PCDH9: variants seen among roughly 807,000 people sequenced by gnomAD.
The protein encoded by PCDH9 is protocadherin 9.
Under a neutral mutation model 70.6 loss-of-function variants are expected in PCDH9, and 24 were observed. The observed-to-expected ratio is 0.34, with a 90% CI of 0.25 to 0.48. The LOEUF (loss-of-function observed/expected upper bound fraction) is 0.48, where lower values mean the gene tolerates loss of function less well. Ranked by LOEUF, PCDH9 falls within the 20% of genes least tolerant of loss-of-function variation. PCDH9 has a pLI of 0.99. For synonymous variants in PCDH9, 562 were observed against 558.5 expected, an observed-to-expected ratio of 1.01 and a Z score of -0.09; for missense variants, 1,281 against 1,503.6, an observed-to-expected ratio of 0.85 and a Z score of 2.45.
chr13:66,485,234 T>C lies in PCDH9; in HGVS notation c.3340+145976A>G, dbSNP rs146987890. Among the ~76,000 whole-genome samples the C allele has an allele frequency of 4.4e-3, 672 of 152,362 alleles. 4 individuals carry two copies. Among genetic ancestry groups the C allele is most frequent in the African/African-American group, 0.015 (627 of 41,592 alleles). On this transcript the variant is annotated intron_variant, in intron 4 of 4. Transcript: ENST00000377865. ...TAGAACACTATGCAATGGAAACATG[T>C]CTAAGGCTGATGGAAAACCTCATCA...
chr13:67,155,809 G>T (rs564418152), intron 2 of PCDH9, among the ~76,000 whole-genome samples: 2 of 152,152 alleles, frequency 1.3e-5, no homozygotes, highest in East Asian at 3.9e-4. Context: ...AGTAAAAGCA[G>T]TGGCAATCTC....
At chr13:66,735,099 T>G (rs2079128536) in intron 3 of PCDH9, among the ~76,000 whole-genome samples, 1 of 152,212 alleles carries the variant, frequency 6.6e-6, no homozygotes, top group Non-Finnish European at 1.5e-5. Flanking sequence ...AAATATTAGA[T>G]AGTTGTTCAC....
intron 3 of PCDH9, among the ~76,000 whole-genome samples, chr13:66,637,928 G>T (rs370538626): frequency 6.9e-6 from 1 of 145,428 alleles, no homozygotes; most frequent in South Asian, 2.2e-4. Context: ...AAAAAAAAAA[G>T]AAATTTAATT....
intron 4 of PCDH9, among the ~76,000 whole-genome samples, chr13:66,566,314 T>C (rs1333277700): frequency 6.6e-6 from 1 of 152,156 alleles, no homozygotes; most frequent in Non-Finnish European, 1.5e-5. Flanking sequence ...AGACCAGCCA[T>C]AAGAATGCAA....
At chr13:66,528,690 T>TC (rs1365270856) in intron 4 of PCDH9, among the ~76,000 whole-genome samples, 1 of 152,124 alleles carries the variant, frequency 6.6e-6, no homozygotes, top group Non-Finnish European at 1.5e-5. Flanking sequence ...CAAGCAAAAT[T>TC]CTCCTAAAAG....
intron 3 of PCDH9, among the ~76,000 whole-genome samples, chr13:66,718,643 T>TCTAGA (rs2078902088): frequency 6.6e-6 from 1 of 152,154 alleles, no homozygotes; most frequent in Admixed American, 6.5e-5. Flanking sequence ...AGAAAGTGTA[T>TCTAGA]GGTTAAGTTA....
At chr13:66,486,156 T>C (rs1242918966) in intron 4 of PCDH9, among the ~76,000 whole-genome samples, 1 of 152,184 alleles carries the variant, frequency 6.6e-6, no homozygotes, top group African/African-American at 2.4e-5. Flanking sequence ...AGAGTTTCAG[T>C]TGAGGCCAGA....
intron 2 of PCDH9, among the ~76,000 whole-genome samples, chr13:67,005,480 A>G (rs1156896978): frequency 1.3e-5 from 2 of 152,172 alleles, no homozygotes; most frequent in Non-Finnish European, 2.9e-5. Flanking sequence ...TCACACAGAA[A>G]CACAAAAATG....
intron 4 of PCDH9, among the ~76,000 whole-genome samples, chr13:66,594,313 T>A (rs922030941): frequency 2.0e-5 from 3 of 151,684 alleles, no homozygotes; most frequent in Non-Finnish European, 4.4e-5. Flanking sequence ...TGAAAAATCA[T>A]CCAGATGGAA....
chr13:66,514,649 A>G (rs1566383123), intron 4 of PCDH9, among the ~76,000 whole-genome samples: 2 of 152,112 alleles, frequency 1.3e-5, no homozygotes, highest in South Asian at 2.1e-4. Context: ...TGTGGCAGAC[A>G]TGAGAAAACC....
At chr13:67,075,412 A>G (rs929482140) in intron 2 of PCDH9, among the ~76,000 whole-genome samples, 2 of 152,124 alleles carry the variant, frequency 1.3e-5, no homozygotes, top group Non-Finnish European at 2.9e-5. Context: ...GCAGTTTCTT[A>G]TTAATGCTCA....
At chr13:66,321,723 C>T (rs1390079495) in intron 4 of PCDH9, among the ~76,000 whole-genome samples, 1 of 151,992 alleles carries the variant, frequency 6.6e-6, no homozygotes, top group Non-Finnish European at 1.5e-5. Flanking sequence ...TCTAATTGCT[C>T]ATGCCAAAAG....
intron 3 of PCDH9, among the ~76,000 whole-genome samples, chr13:66,722,319 T>C (rs2078951970): frequency 6.6e-6 from 1 of 152,220 alleles, no homozygotes; most frequent in African/African-American, 2.4e-5. Flanking sequence ...GCAATAATAA[T>C]GGCTAGCACA....
chr13:66,795,888 T>G (rs2080232529), intron 3 of PCDH9, among the ~76,000 whole-genome samples: 1 of 152,156 alleles, frequency 6.6e-6, no homozygotes, highest in Non-Finnish European at 1.5e-5. Context: ...CTGATTTGTT[T>G]GTGTGCTCAC....
intron 4 of PCDH9, among the ~76,000 whole-genome samples, chr13:66,333,239 C>T (rs1200679004): frequency 1.3e-5 from 2 of 152,136 alleles, no homozygotes; most frequent in Admixed American, 1.3e-4. Context: ...GTAGTAGTCT[C>T]AGAATAGTTG....
At chr13:66,309,137 A>AATT (rs1593777310) in intron 4 of PCDH9, among the ~76,000 whole-genome samples, 2 of 152,190 alleles carry the variant, frequency 1.3e-5, no homozygotes, top group African/African-American at 4.8e-5. Flanking sequence ...GGAAAAGTTT[A>AATT]ATTTGTTTCT....
chr13:67,204,913 T>G (rs1222313555), intron 2 of PCDH9: 1 of 152,252 alleles, frequency 6.6e-6, no homozygotes, highest in Non-Finnish European at 1.5e-5. Flanking sequence ...CCAAAACAAT[T>G]TGGCACTCTT....
At chr13:66,567,069 C>A (rs902234903) in intron 4 of PCDH9, among the ~76,000 whole-genome samples, 2 of 151,796 alleles carry the variant, frequency 1.3e-5, no homozygotes, top group Non-Finnish European at 2.9e-5. Flanking sequence ...AAAAAAAAAT[C>A]CTTAAAATCA....
intron 3 of PCDH9, chr13:66,880,108 A>C (rs2081896508): frequency 6.6e-6 from 1 of 152,230 alleles, no homozygotes; most frequent in South Asian, 2.1e-4. Context: ...GCATAGCTGC[A>C]GTGAATAGAA....
Sources: gnomAD v4.1 joint callset for allele counts (sites outside exome capture counted in the v4.1 genomes callset) on GRCh38, gnomAD v4.1.1 for gene constraint, MANE v1.5 for transcripts, NCBI Gene and HGNC (gene_info 2026-07-23, HGNC 2026-07-21) for gene names.